Variants in AFAP1L2 observed in about 807,000 individuals in gnomAD.
AFAP1L2 encodes the protein actin filament associated protein 1 like 2.
Under a neutral mutation model 99.3 loss-of-function variants are expected in AFAP1L2, and 46 were observed. The ratio of observed to expected loss-of-function variants is 0.46; its 90% CI spans 0.37 to 0.59. The LOEUF is 0.59. Among genes scored for constraint, AFAP1L2 ranks in the 20% least tolerant of loss-of-function variants. The pLI, the probability that AFAP1L2 is intolerant of heterozygous loss-of-function variation, is 0.00. For missense variants in AFAP1L2, 959 were observed against 1,034.9 expected (o/e 0.93, Z 1.01); for synonymous variants, 397 against 419.1 (o/e 0.95, Z 0.64).
intron 7 of AFAP1L2, among the ~76,000 whole-genome samples, chr10:114,310,706 G>A (rs1431913854): frequency 6.6e-6 from 1 of 152,136 alleles, no homozygotes; most frequent in African/African-American, 2.4e-5. Context: ...TGCGAGGGGG[G>A]GCCTTGGCAG....
intron 4 of AFAP1L2, among the ~76,000 whole-genome samples, chr10:114,325,010 G>C (rs896254730): frequency 6.6e-6 from 1 of 152,182 alleles, no homozygotes; most frequent in Non-Finnish European, 1.5e-5. Flanking sequence ...AGCTTCCCCA[G>C]GGTGAGGATA....
intron 1 of AFAP1L2, among the ~76,000 whole-genome samples, chr10:114,386,102 T>G (rs1440332895): frequency 2.0e-5 from 3 of 152,238 alleles, no homozygotes; most frequent in Admixed American, 6.5e-5. Context: ...CTTCCCAGTC[T>G]GTTGCTGTGA....
chr10:114,346,537 AC>A (rs902462579), intron 1 of AFAP1L2, among the ~76,000 whole-genome samples: 16 of 151,698 alleles, frequency 1.1e-4, no homozygotes, highest in African/African-American at 3.6e-4. Context: ...ACATTTATCA[AC>A]CCCCAGGGCT....
intron 10 of AFAP1L2, among the ~76,000 whole-genome samples, chr10:114,305,712 G>C (rs2134240084): frequency 1.8e-5 from 2 of 111,220 alleles, no homozygotes; most frequent in East Asian, 3.2e-4. Context: ...GGGCTGGAGG[G>C]GACGGGGCTA....
At chr10:114,323,052 G>A in intron 5 of AFAP1L2, 119 bp downstream of exon 5, 1 of 893,136 alleles carries the variant, frequency 1.1e-6, no homozygotes, top group Non-Finnish European at 1.7e-6. Context: ...CAGCAGCCCA[G>A]ACTACCCTCT....
intron 18 of AFAP1L2, 190 bp from the exon 19 acceptor site, chr10:114,296,258 A>ACTCGCTGTTGTG: frequency 2.8e-6 from 2 of 714,372 alleles, no homozygotes; most frequent in Non-Finnish European, 4.7e-6. Context: ...AGACTGTGGC[A>ACTCGCTGTTGTG]CAACAGCGAG....
chr10:114,374,673 G>GA (rs571296319), intron 1 of AFAP1L2, among the ~76,000 whole-genome samples: 27 of 148,580 alleles, frequency 1.8e-4, no homozygotes, highest in East Asian at 5.9e-4. Flanking sequence ...TCTAGAAGAA[G>GA]AAAAAAAAAA....
intron 1 of AFAP1L2, among the ~76,000 whole-genome samples, chr10:114,370,285 TCTGAAGTCCACAC>T (rs1459066381): frequency 6.6e-6 from 1 of 152,194 alleles, no homozygotes; most frequent in Non-Finnish European, 1.5e-5. Flanking sequence ...AGGACTCCAA[TCTGAAGTCCACAC>T]CCAGAAGCAG....
At chr10:114,313,796 T>C in intron 7 of AFAP1L2, 75 bp downstream of exon 7, 12 of 1,444,668 alleles carry the variant, frequency 8.3e-6, no homozygotes, top group Non-Finnish European at 1.1e-5. Context: ...CCCCTGACCC[T>C]ATCATCCATC....
intron 2 of AFAP1L2, among the ~76,000 whole-genome samples, chr10:114,334,285 G>A (rs2047623175): frequency 6.6e-6 from 1 of 152,202 alleles, no homozygotes; most frequent in South Asian, 2.1e-4. Context: ...AATCCCCCAA[G>A]GACCCTTTCT....
chr10:114,369,140 G>GAA (rs1174577077), intron 1 of AFAP1L2, among the ~76,000 whole-genome samples: 1 of 152,084 alleles, frequency 6.6e-6, no homozygotes, highest in Non-Finnish European at 1.5e-5. Context: ...GGCTGGGTGT[G>GAA]AAAAATCACT....
chr10:114,300,839 C>T, intron 13 of AFAP1L2, 149 bp from the exon 14 acceptor site: 7 of 1,085,650 alleles, frequency 6.4e-6, no homozygotes, highest in Non-Finnish European at 9.1e-6. Context: ...CTGGCTGAGT[C>T]CTAGATATGT....
At chr10:114,315,046 C>T (rs1377459870) in intron 6 of AFAP1L2, among the ~76,000 whole-genome samples, 1 of 152,168 alleles carries the variant, frequency 6.6e-6, no homozygotes, top group Non-Finnish European at 1.5e-5. Context: ...GAGGCTGAGG[C>T]AGGAGAATCA....
chr10:114,282,503 C>T, the AFAP1L2 span: 5 of 1,612,894 alleles, frequency 3.1e-6, no homozygotes, highest in Admixed American at 6.7e-5. Context: ...AATTCTGTTT[C>T]CTTGGATTGT....
chr10:114,317,178 A>G (rs554904708), intron 5 of AFAP1L2, among the ~76,000 whole-genome samples: 1 of 152,404 alleles, frequency 6.6e-6, no homozygotes, highest in East Asian at 1.9e-4. Context: ...TTTACTAAGA[A>G]GCACATTTGA....
At chr10:114,364,368 A>G (rs548037251) in intron 1 of AFAP1L2, among the ~76,000 whole-genome samples, 9 of 152,182 alleles carry the variant, frequency 5.9e-5, no homozygotes, top group Non-Finnish European at 1.3e-4. Flanking sequence ...CAAAAATCAC[A>G]GGTTGACAGG....
rs372659441 is a variant in AFAP1L2 at position 114,309,851 on chromosome 10, T to C, written c.882+503A>G. ...GGCACCTACAAGCAAGAAAATATTTTAGGTCTGTATCCGTTTCCTCCATTT... is the reference window on the plus strand; with the variant it reads ...GGCACCTACAAGCAAGAAAATATTTCAGGTCTGTATCCGTTTCCTCCATTT... On this transcript the variant is annotated intron_variant, in intron 8 of 18. Transcript: ENST00000304129. Among the ~76,000 whole-genome samples the C allele has an allele frequency of 7.1e-4, 108 of 152,304 alleles. No individual in the cohort carries two copies. In the South Asian group the frequency reaches 0.018, roughly 25 times the overall value.
chr10:114,384,862 G>A (rs984528864), intron 1 of AFAP1L2, among the ~76,000 whole-genome samples: 1 of 152,258 alleles, frequency 6.6e-6, no homozygotes, highest in African/African-American at 2.4e-5. Flanking sequence ...AGGCCTGGTT[G>A]AGAGGGGCAG....
At chr10:114,398,337 G>A (rs533880817) in intron 1 of AFAP1L2, among the ~76,000 whole-genome samples, 129 of 152,324 alleles carry the variant, frequency 8.5e-4, no homozygotes, top group African/African-American at 3.0e-3. Flanking sequence ...CTGACATGAA[G>A]AATACACAGA....
Sources: gnomAD v4.1 joint callset for allele counts (sites outside exome capture counted in the v4.1 genomes callset) on GRCh38, gnomAD v4.1.1 for gene constraint, MANE v1.5 for transcripts, NCBI Gene and HGNC (gene_info 2026-07-23, HGNC 2026-07-21) for gene names.